Variants in NGFR observed in about 807,000 individuals in gnomAD.
NGFR encodes the protein tumor necrosis factor receptor superfamily member 16.
A neutral mutation model predicts 43.2 loss-of-function variants in NGFR; 30 were observed. That is an observed-to-expected ratio of 0.69 (90% CI 0.52 to 0.94). NGFR has a LOEUF of 0.94. NGFR is among the 40% of genes least tolerant of loss of function. The pLI is 0.00. For missense variants in NGFR, 529 were observed against 602.5 expected, an observed-to-expected ratio of 0.88 and a Z score of 1.28; for synonymous variants, 246 against 259.6, an observed-to-expected ratio of 0.95 and a Z score of 0.50.
intron 1 of NGFR, among the ~76,000 whole-genome samples, chr17:49,501,218 C>T (rs527550957): frequency 6.6e-6 from 1 of 152,334 alleles, no homozygotes; most frequent in South Asian, 2.1e-4. Flanking sequence ...AGCCCTGTTC[C>T]CAGTGGCCAC....
intron 1 of NGFR, 64 bp from the exon 2 acceptor site, chr17:49,501,999 A>AGGGGGGCCCCCCCCCCCCCCCCCCCCCCC: frequency 3.0e-6 from 1 of 330,984 alleles, no homozygotes; most frequent in Non-Finnish European, 5.9e-6. Context: ...TCCCCGGAAG[A>AGGGGGGCCCCCCCCCCCCCCCCCCCCCCC]ACCCCCCCCA....
intron 2 of NGFR, 149 bp from the exon 3 acceptor site, chr17:49,506,150 G>C (rs2071195187): frequency 1.4e-6 from 2 of 1,413,372 alleles, no homozygotes; most frequent in Admixed American, 2.8e-5. Context: ...CTAGGGGTCA[G>C]GGTCCCTTGG....
intron 3 of NGFR, 106 bp downstream of exon 3, chr17:49,506,764 G>C (rs2071202291): frequency 8.6e-6 from 10 of 1,164,238 alleles, no homozygotes; most frequent in Non-Finnish European, 1.2e-5. Context: ...TGGCCTGCTG[G>C]GGCAGCTTGG....
chr17:49,501,999 A>AGGGGGGGCCCCCCCCCCC, intron 1 of NGFR, 64 bp from the exon 2 acceptor site: 3 of 330,976 alleles, frequency 9.1e-6, no homozygotes, highest in African/African-American at 2.2e-5. Context: ...TCCCCGGAAG[A>AGGGGGGGCCCCCCCCCCC]ACCCCCCCCA....
intron 2 of NGFR, among the ~76,000 whole-genome samples, chr17:49,505,125 C>T (rs2584674): frequency 0.24 from 36,380 of 151,552 alleles, 5,507 homozygotes; most frequent in African/African-American, 0.42. Flanking sequence ...TTCTTTGCCT[C>T]CTCATCCCCC....
chr17:49,513,024 C>A lies in NGFR; in HGVS notation c.*15C>A. 5 of 1,499,652 alleles carry A rather than the reference C, an allele frequency of 3.3e-6. No individual in the cohort carries two copies. Among genetic ancestry groups the A allele is most frequent in the Non-Finnish European group, 4.5e-6 (5 of 1,122,772 alleles). The allele number at this position is 1,499,652 out of a possible 1,614,324, so 92.9% of individuals were successfully genotyped here. On this transcript the variant is annotated 3_prime_UTR_variant, in exon 6 of 6. Coordinates refer to ENST00000172229, the MANE Select transcript of NGFR (RefSeq NM_002507.4). Reference sequence around the variant, plus strand: ...CCCCGGTGTGAGCCCAACCGGGGAGCCCCCGCCCCGCCCCACATTCCGACA... The same window carrying A: ...CCCCGGTGTGAGCCCAACCGGGGAGACCCCGCCCCGCCCCACATTCCGACA...
Position 49,513,095 on chromosome 17 carries a change from TG to T in NGFR, c.*94del, listed in dbSNP as rs879366470. The T allele has an allele frequency of 3.5e-3, 4,729 of 1,349,528 alleles. 16 individuals carry two copies. The highest frequency in any genetic ancestry group is 4.3e-3 in the Non-Finnish European group (4,354 of 1,021,336). 83.6% of individuals were successfully genotyped at this position (1,349,528 alleles called of 1,614,324 possible). On this transcript the variant is annotated 3_prime_UTR_variant, in exon 6 of 6. Coordinates refer to ENST00000172229, the MANE Select transcript of NGFR (RefSeq NM_002507.4). Reference sequence around the variant, plus strand: ...CTGTGGAGCCCGCACCCCCACCCTTTGGGGGGGGCCCGCCTGGCAGAACTGA... The same window carrying T: ...CTGTGGAGCCCGCACCCCCACCCTTTGGGGGGGCCCGCCTGGCAGAACTGA...
intron 4 of NGFR, among the ~76,000 whole-genome samples, chr17:49,511,539 T>G (rs2071232543): frequency 6.6e-6 from 1 of 151,690 alleles, no homozygotes; most frequent in Admixed American, 6.6e-5. Flanking sequence ...TTTTTCCAGT[T>G]TTTTGTTATT....
intron 1 of NGFR, among the ~76,000 whole-genome samples, chr17:49,501,702 T>C (rs1362323703): frequency 1.3e-5 from 2 of 152,236 alleles, no homozygotes; most frequent in Non-Finnish European, 2.9e-5. Flanking sequence ...AGCTACAACC[T>C]GTCCAACCAT....
rs529154343 is a variant in NGFR, at chr17:49,513,273, C to T, written c.*264C>T. The T allele has an allele frequency of 2.1e-6, 1 of 486,218 alleles. No individual in the cohort carries two copies. Among genetic ancestry groups the T allele is most frequent in the South Asian group, 3.6e-5 (1 of 27,848 alleles). 30.1% of individuals were successfully genotyped at this position (486,218 alleles called of 1,614,324 possible). A position where few individuals can be genotyped will look rare whatever the true frequency, so the allele number is the denominator to read the frequency against. On this transcript the variant is annotated 3_prime_UTR_variant, in exon 6 of 6. Coordinates refer to ENST00000172229, the MANE Select transcript of NGFR (RefSeq NM_002507.4). Reference sequence around the variant, plus strand: ...AACCCTGCCCCTGCCCCGTCACCATCTCAGGCCACCTGCCCCCTTCTCCCA... The same window carrying T: ...AACCCTGCCCCTGCCCCGTCACCATTTCAGGCCACCTGCCCCCTTCTCCCA...
intron 3 of NGFR, among the ~76,000 whole-genome samples, chr17:49,506,869 C>T (rs186546741): frequency 3.1e-4 from 47 of 152,286 alleles, no homozygotes; most frequent in Admixed American, 2.1e-3. Context: ...AGCAAAGAAC[C>T]CCTCTCTGTG....
chr17:49,504,061 AGCTGCATTAACAG>A (rs1468605192), intron 2 of NGFR, among the ~76,000 whole-genome samples: 3 of 150,344 alleles, frequency 2.0e-5, no homozygotes, highest in Non-Finnish European at 4.4e-5. Flanking sequence ...CTCCACCTCC[AGCTGCATTAACAG>A]GCTGCCTTTA....
chr17:49,499,465 G>A (rs939075372), intron 1 of NGFR, among the ~76,000 whole-genome samples: 39 of 152,308 alleles, frequency 2.6e-4, no homozygotes, highest in African/African-American at 9.4e-4. Flanking sequence ...TATGACCCAG[G>A]ACAAGTGTGG....
Position 49,512,962 on chromosome 17 carries a change from C to A in NGFR, c.1237C>A (p.Leu413Ile), listed in dbSNP as rs554481528. The change falls in exon 6 of 6, where the codon CTC becomes ATC. Residue 413 changes from leucine (L) to isoleucine (I), a missense_variant. Coordinates refer to ENST00000172229, the MANE Select transcript of NGFR (RefSeq NM_002507.4). This position sits in a 1 kb window ranked among gnomAD's most constrained non-coding sequence, Gnocchi z 5.2. ...AALRRIQRAD[L>I]VESLCSESTA... ...CCTGCGCCGCATCCAGCGAGCCGAC[C>A]TCGTGGAGAGTCTGTGCAGTGAGTC... is the stretch of plus-strand genomic sequence containing the variant. The A allele has an allele frequency of 6.2e-6, 10 of 1,607,456 alleles. No homozygotes were observed. The South Asian group carries it at 8.8e-5, about 14-fold the overall frequency.
chr17:49,506,618 G>A lies in NGFR; in HGVS notation c.528G>A (p.Gln176=), dbSNP rs1490232261. The change falls in exon 3 of 6, where the codon CAG becomes CAA. Residue 176 remains glutamine (Q), a synonymous_variant. Transcript: ENST00000172229. ...PCTVCEDTER[Q]LRECTRWADA... ...CCGTGTGCGAGGACACCGAGCGCCAGCTCCGCGAGTGCACACGCTGGGCCG... is the reference window on the plus strand; with the variant it reads ...CCGTGTGCGAGGACACCGAGCGCCAACTCCGCGAGTGCACACGCTGGGCCG... 39 of 1,596,108 alleles carry A rather than the reference G, an allele frequency of 2.4e-5. No individual in the cohort carries two copies. The highest frequency in any genetic ancestry group is 3.3e-5 in the Non-Finnish European group (39 of 1,171,662).
intron 1 of NGFR, among the ~76,000 whole-genome samples, chr17:49,501,741 G>A (rs1276896701): frequency 1.3e-5 from 2 of 152,190 alleles, no homozygotes; most frequent in South Asian, 2.1e-4. Flanking sequence ...TAGGCCCTCC[G>A]CTGGGCCTCT....
chr17:49,506,804 A>G, intron 3 of NGFR, 146 bp downstream of exon 3: 1 of 723,558 alleles, frequency 1.4e-6, no homozygotes, highest in Non-Finnish European at 2.2e-6. Flanking sequence ...ACCTTCCCTG[A>G]GCTTCAGTCC....
chr17:49,510,773 C>T, intron 4 of NGFR, 109 bp downstream of exon 4: 1 of 1,377,670 alleles, frequency 7.3e-7, no homozygotes, highest in South Asian at 1.3e-5. Flanking sequence ...CAACCCCAAA[C>T]CAAGCTCATC....
chr17:49,501,472 A>G (rs2071166539), intron 1 of NGFR, among the ~76,000 whole-genome samples: 1 of 152,232 alleles, frequency 6.6e-6, no homozygotes, highest in African/African-American at 2.4e-5. Context: ...TCAGGATTCA[A>G]ACCCAAGACC....
Sources: gnomAD v4.1 joint callset for allele counts (sites outside exome capture counted in the v4.1 genomes callset) on GRCh38, gnomAD v4.1.1 for gene constraint, Gnocchi (gnomAD v3.1) non-coding constraint, MANE v1.5 for transcripts, NCBI Gene and HGNC (gene_info 2026-07-23, HGNC 2026-07-21) for gene names.